The following ALG8 variants were observed in gnomAD, a reference collection of about 807,000 sequenced individuals.
ALG8 encodes the protein ALG8 alpha-1,3-glucosyltransferase.
Under a neutral mutation model 70.2 loss-of-function variants are expected in ALG8, and 48 were observed. The observed-to-expected ratio is 0.68, with a 90% CI of 0.54 to 0.87. The LOEUF is 0.87. Among genes scored for constraint, ALG8 ranks in the 40% least tolerant of loss-of-function variants. ALG8 has a pLI of 0.00. For synonymous variants in ALG8, 234 were observed against 229.0 expected, an observed-to-expected ratio of 1.02 and a Z score of -0.20; for missense variants, 572 against 608.7, an observed-to-expected ratio of 0.94 and a Z score of 0.64.
chr11:78,104,029 T>C lies in ALG8; in HGVS notation c.1300A>G (p.Met434Val). Residue 434 changes from methionine to valine, a missense_variant, in exon 12 of 13, where the codon ATG (methionine) becomes GTG (valine). Coordinates refer to ENST00000299626, the MANE Select transcript of ALG8 (RefSeq NM_024079.5). ...APELPIKILLMLLFTIYSISS... is the reference protein window; with the variant it reads ...APELPIKILLVLLFTIYSISS... Reference sequence around the variant, plus strand: ...ATACTATATATGGTGAATAGTAACATGAGTAAGATTTTAATGGGAAGTTCT... The same window carrying C: ...ATACTATATATGGTGAATAGTAACACGAGTAAGATTTTAATGGGAAGTTCT... The C allele has an allele frequency of 6.6e-7, 1 of 1,510,742 alleles. No homozygotes were observed. The highest frequency in any genetic ancestry group is 1.4e-5 in the African/African-American group (1 of 72,868). 93.6% of individuals were successfully genotyped at this position (1,510,742 alleles called of 1,614,324 possible). A position where few individuals can be genotyped will look rare whatever the true frequency, so the allele number is the denominator to read the frequency against.
chr11:78,134,198 T>C (rs111529111), intron 1 of ALG8, among the ~76,000 whole-genome samples: 12 of 151,144 alleles, frequency 7.9e-5, no homozygotes, highest in African/African-American at 2.9e-4. Context: ...AGTGCAATGG[T>C]GTGATCTTGG....
chr11:78,120,822 C>T lies in ALG8; in HGVS notation c.478+243G>A, dbSNP rs2298440. Among the ~76,000 whole-genome samples the T allele has an allele frequency of 2.0e-4, 31 of 152,192 alleles. No individual in the cohort carries two copies. In the East Asian group the frequency reaches 6.0e-3, roughly 29 times the overall value. Reference sequence around the variant, plus strand: ...CTAAAAATAGTTCACAATCTCAGTACATTGTTTTATTGATGATTTAGCTGG... The same window carrying T: ...CTAAAAATAGTTCACAATCTCAGTATATTGTTTTATTGATGATTTAGCTGG... On this transcript the variant is annotated intron_variant, in intron 4 of 12. Coordinates refer to ENST00000299626, the MANE Select transcript of ALG8 (RefSeq NM_024079.5).
chr11:78,113,744 C>T, intron 7 of ALG8, 142 bp downstream of exon 7: 1 of 657,402 alleles, frequency 1.5e-6, no homozygotes, highest in Non-Finnish European at 2.6e-6. Context: ...AGGAATACTG[C>T]CCTATCTTTG....
chr11:78,118,898 C>A, intron 5 of ALG8, among the ~76,000 whole-genome samples: 1 of 152,268 alleles, frequency 6.6e-6, no homozygotes, highest in East Asian at 1.9e-4. Context: ...GTCTGGGTGA[C>A]AGAGTGAGAC....
In ALG8 at chr11:78,119,304, A is replaced by T. The variant is rs186270173; in HGVS notation, c.479-55T>A. On this transcript the variant is annotated intron_variant, in intron 4 of 12. Coordinates refer to ENST00000299626, the MANE Select transcript of ALG8 (RefSeq NM_024079.5). ...GGACACCAAATTCATAATGAACTAT[A>T]CCAGCTGATGGAGTATAGAAATTCC... The T allele has an allele frequency of 3.7e-3, 4,710 of 1,264,938 alleles. 6 individuals carry two copies. The highest frequency in any genetic ancestry group is 4.9e-3 in the Non-Finnish European group (4,274 of 863,766). 78.4% of individuals were successfully genotyped at this position (1,264,938 alleles called of 1,614,324 possible).
At chr11:78,124,486 C>T (rs1860976870) in intron 2 of ALG8, among the ~76,000 whole-genome samples, 1 of 152,198 alleles carries the variant, frequency 6.6e-6, no homozygotes, top group Non-Finnish European at 1.5e-5. Context: ...AATGCTGTTG[C>T]ACTTAAAATA....
chr11:78,120,547 T>G (rs1860774280), intron 4 of ALG8, among the ~76,000 whole-genome samples: 1 of 152,226 alleles, frequency 6.6e-6, no homozygotes, highest in African/African-American at 2.4e-5. Flanking sequence ...AACCAGAGGC[T>G]GGGTGCTTTC....
At chr11:78,104,505 T>G in intron 10 of ALG8, 52 bp from the exon 11 acceptor site, 1 of 1,483,602 alleles carries the variant, frequency 6.7e-7, no homozygotes, top group Non-Finnish European at 9.2e-7. Flanking sequence ...CACTTGCAAA[T>G]AGCTTAAATA....
chr11:78,139,556 G>C lies in ALG8; in HGVS notation c.33C>G (p.Gly11=). 1 of 1,561,168 alleles carries C rather than the reference G, an allele frequency of 6.4e-7. No homozygotes were observed. Among genetic ancestry groups the C allele is most frequent in the Non-Finnish European group, 8.7e-7 (1 of 1,152,136 alleles). Residue 11 remains glycine, a synonymous_variant, in exon 1 of 13, where the codon GGC becomes GGG. Transcript: ENST00000299626. MAALTIATGT[G]NWFSALALGV... ...CGAGCGCCAAAGCCGAAAACCAATT[G>C]CCAGTACCCGTGGCAATTGTGAGCG...
chr11:78,120,949 C>A, intron 4 of ALG8, 116 bp downstream of exon 4: 1 of 982,222 alleles, frequency 1.0e-6, no homozygotes, highest in African/African-American at 1.6e-5. Context: ...CTAACCCACC[C>A]CACACTCATT....
chr11:78,126,915 G>A (rs1861104259), intron 2 of ALG8, among the ~76,000 whole-genome samples: 1 of 152,176 alleles, frequency 6.6e-6, no homozygotes, highest in African/African-American at 2.4e-5. Flanking sequence ...CCCTAGTAGT[G>A]CAAGAGGACA....
Position 78,104,348 on chromosome 11 carries a change from C to A in ALG8, c.1276+8G>T. On this transcript the variant is annotated splice_region_variant and intron_variant, in intron 11 of 12. Transcript: ENST00000299626. ...TCAAATATATTTTTCTCAGAAGACG[C>A]TGTTTACCTGGTGCAGTGAAGAGCA... is the stretch of plus-strand genomic sequence containing the variant. 6.3e-7 allele frequency: 1 copy of A among 1,575,720 alleles called. No homozygotes were observed. The highest frequency in any genetic ancestry group is 1.9e-5 in the Admixed American group (1 of 53,354).
At position 78,139,530 on chromosome 11, in the gene ALG8, C is replaced by T; in HGVS notation, c.59G>A (p.Gly20Glu). The T allele has an allele frequency of 6.4e-7, 1 of 1,564,232 alleles. No homozygotes were observed. Among genetic ancestry groups the T allele is most frequent in the Non-Finnish European group, 8.7e-7 (1 of 1,153,846 alleles). Residue 20 changes from glycine (G) to glutamate (E), a missense_variant, in exon 1 of 13, where the codon GGG becomes GAG. Coordinates refer to ENST00000299626, the MANE Select transcript of ALG8 (RefSeq NM_024079.5). Reference protein sequence around the residue: ...TGNWFSALALGVTLLKCLLIP... With the variant: ...TGNWFSALALEVTLLKCLLIP... Reference sequence around the variant, plus strand: ...GAGAAGGCATTTGAGAAGAGTCACCCCGAGCGCCAAAGCCGAAAACCAATT... The same window carrying T: ...GAGAAGGCATTTGAGAAGAGTCACCTCGAGCGCCAAAGCCGAAAACCAATT...
At chr11:78,106,342 C>CTACT (rs2136882318) in intron 10 of ALG8, among the ~76,000 whole-genome samples, 1 of 152,230 alleles carries the variant, frequency 6.6e-6, no homozygotes, top group East Asian at 1.9e-4. Context: ...GGACTACAGG[C>CTACT]ATGTGCCACT....
At chr11:78,116,367 C>T (rs1860568233) in intron 5 of ALG8, among the ~76,000 whole-genome samples, 1 of 151,864 alleles carries the variant, frequency 6.6e-6, no homozygotes, top group Non-Finnish European at 1.5e-5. Flanking sequence ...AAGATGCTAT[C>T]TCCAAAACAA....
In ALG8 at chr11:78,106,931, G is replaced by A. The variant is rs775346045; in HGVS notation, c.1054C>T (p.Leu352Phe). The A allele has an allele frequency of 3.1e-6, 5 of 1,614,014 alleles. No homozygotes were observed. The highest frequency in any genetic ancestry group is 2.2e-5 in the East Asian group (1 of 44,878). The change falls in exon 10 of 13, where the codon CTT becomes TTT. Residue 352 changes from leucine (L) to phenylalanine (F), a missense_variant. Leu to Phe is a conservative substitution (Grantham distance 22). Transcript: ENST00000299626. ...LIAILPSIFC[L>F]WFKPQGPRGF... The stretch of plus-strand genomic sequence containing the variant: ...CTGGGCCCTTGGGGTTTAAACCAAA[G>A]ACAGAAAATAGAGGGCTAGAAACAA...
At chr11:78,105,244 T>C (rs190818298) in intron 10 of ALG8, among the ~76,000 whole-genome samples, 1 of 152,220 alleles carries the variant, frequency 6.6e-6, no homozygotes, top group Admixed American at 6.5e-5. Flanking sequence ...CTGACAAATT[T>C]GCTTAATATA....
intron 2 of ALG8, among the ~76,000 whole-genome samples, chr11:78,125,821 C>G (rs1022887540): frequency 7.3e-5 from 11 of 151,290 alleles, no homozygotes; most frequent in African/African-American, 2.4e-4. Context: ...GAAAAGAAAA[C>G]AAAACAAAAT....
intron 3 of ALG8, among the ~76,000 whole-genome samples, chr11:78,121,524 G>C (rs1196606243): frequency 6.8e-6 from 1 of 147,548 alleles, no homozygotes; most frequent in East Asian, 2.0e-4. Flanking sequence ...TCTGAGGCCA[G>C]CCTGGGCGAC....
Sources: allele counts gnomAD v4.1 joint callset (sites outside exome capture counted in the v4.1 genomes callset), GRCh38; gene constraint gnomAD v4.1.1; transcripts MANE v1.5; gene names NCBI Gene and HGNC (gene_info 2026-07-23, HGNC 2026-07-21).